KLHL28: variants seen among roughly 807,000 people sequenced by gnomAD.
The protein encoded by KLHL28 is kelch like family member 28, also known as kelch-like protein 28.
KLHL28 carries 22 observed loss-of-function variants against 48.3 expected under a neutral mutation model. The observed-to-expected ratio is 0.46, with a 90% CI of 0.33 to 0.65. The LOEUF (loss-of-function observed/expected upper bound fraction) is 0.65. Ranked by LOEUF, KLHL28 falls within the 30% of genes least tolerant of loss-of-function variation. KLHL28 has a pLI of 0.03. For missense variants in KLHL28, 527 were observed against 704.3 expected (o/e 0.75, Z 2.85); for synonymous variants, 243 against 242.4 (o/e 1.00, Z -0.02).
chr14:44,931,587 T>C (rs746331182), intron 3 of KLHL28, 46 bp from the exon 4 acceptor site: 4 of 1,475,502 alleles, frequency 2.7e-6, no homozygotes, highest in African/African-American at 2.8e-5. Context: ...TTTTGTGTCA[T>C]TCTTCCTGTC....
At position 44,934,194 on chromosome 14, in the gene KLHL28, T is replaced by C. The variant is rs974862447; in HGVS notation, c.1264A>G (p.Thr422Ala). 2.5e-6 allele frequency: 4 copies of C among 1,614,186 alleles called. No individual in the cohort carries two copies. Among genetic ancestry groups the C allele is most frequent in the Admixed American group, 3.3e-5 (2 of 60,022 alleles). The change falls in exon 3 of 5, where the codon ACA (threonine) becomes GCA (alanine). Residue 422 changes from threonine (T) to alanine (A), a missense_variant. Thr to Ala is a moderately conservative substitution (Grantham distance 58). Coordinates refer to ENST00000396128, the MANE Select transcript of KLHL28 (RefSeq NM_017658.5). ...KWQPVAPMTT[T>A]RSCFAAAVLD... is the part of the protein sequence containing the mutation. ...ACCGCTGCAGCAAAACAACTTCTTG[T>C]TGTCGTCATTGGTGCCACAGGTTGC... is the stretch of plus-strand genomic sequence containing the variant.
intron 1 of KLHL28, among the ~76,000 whole-genome samples, chr14:44,957,609 G>T (rs1255949933): frequency 2.0e-5 from 3 of 152,082 alleles, no homozygotes; most frequent in Admixed American, 6.5e-5. Context: ...ACCTTTGACT[G>T]TCATAATGTA....
At chr14:44,958,146 G>A (rs936520265) in intron 1 of KLHL28, among the ~76,000 whole-genome samples, 8 of 146,948 alleles carry the variant, frequency 5.4e-5, no homozygotes, top group Non-Finnish European at 9.0e-5. Flanking sequence ...AGTCAATATC[G>A]AATAAAAAGT....
intron 1 of KLHL28, among the ~76,000 whole-genome samples, chr14:44,958,761 G>A (rs912903054): frequency 2.0e-5 from 3 of 152,078 alleles, no homozygotes; most frequent in African/African-American, 4.8e-5. Flanking sequence ...CCTGTCCACT[G>A]AAAAACTGCA....
intron 2 of KLHL28, among the ~76,000 whole-genome samples, chr14:44,940,663 C>G (rs932999092): frequency 6.6e-6 from 1 of 152,178 alleles, no homozygotes; most frequent in Non-Finnish European, 1.5e-5. Flanking sequence ...ACCCCCCCGC[C>G]AGCCAGTAAA....
At chr14:44,961,513 C>CTTT in intron 1 of KLHL28, 1 of 152,024 alleles carries the variant, frequency 6.6e-6, no homozygotes, top group East Asian at 1.9e-4. Context: ...TAACCCTCTG[C>CTTT]GGCCGGAGGG....
chr14:44,935,864 G>GTGTATATA (rs1566564854), intron 2 of KLHL28, among the ~76,000 whole-genome samples: 17 of 47,832 alleles, frequency 3.6e-4, no homozygotes, highest in Non-Finnish European at 7.6e-4. Flanking sequence ...GTATGTATGT[G>GTGTATATA]TATGTGTATG....
intron 1 of KLHL28, among the ~76,000 whole-genome samples, chr14:44,958,862 A>G (rs1594588034): frequency 6.6e-6 from 1 of 152,132 alleles, no homozygotes; most frequent in Admixed American, 6.5e-5. Context: ...GACTGAAGAC[A>G]GAAATACATA....
intron 2 of KLHL28, among the ~76,000 whole-genome samples, chr14:44,936,289 T>C (rs1299594819): frequency 1.3e-5 from 2 of 152,000 alleles, no homozygotes; most frequent in East Asian, 3.9e-4. Context: ...TAAACCAAAA[T>C]GTGTTTGCAT....
chr14:44,942,458 A>G (rs1329400494), intron 2 of KLHL28, among the ~76,000 whole-genome samples: 1 of 152,100 alleles, frequency 6.6e-6, no homozygotes, highest in Non-Finnish European at 1.5e-5. Context: ...AATTTTTCCC[A>G]TAATACAGCC....
At chr14:44,930,968 T>A (rs1230460097) in intron 4 of KLHL28, among the ~76,000 whole-genome samples, 1 of 152,216 alleles carries the variant, frequency 6.6e-6, no homozygotes, top group African/African-American at 2.4e-5. Flanking sequence ...ATTACTGATA[T>A]ACAATAGAAA....
chr14:44,955,865 C>T (rs532725244), intron 1 of KLHL28, among the ~76,000 whole-genome samples: 5 of 152,096 alleles, frequency 3.3e-5, no homozygotes, highest in African/African-American at 1.2e-4. Context: ...TATTCAGGGG[C>T]CAAACTAAAT....
chr14:44,952,392 G>C, intron 1 of KLHL28, among the ~76,000 whole-genome samples: 1 of 152,208 alleles, frequency 6.6e-6, no homozygotes, highest in East Asian at 1.9e-4. Flanking sequence ...CAGTGGGGTT[G>C]CAGGAAATGG....
At chr14:44,946,869 A>G (rs1258700020) in intron 1 of KLHL28, among the ~76,000 whole-genome samples, 2 of 152,144 alleles carry the variant, frequency 1.3e-5, no homozygotes, top group African/African-American at 4.8e-5. Flanking sequence ...ACTCTTGATC[A>G]TTAATTCAGA....
intron 2 of KLHL28, among the ~76,000 whole-genome samples, chr14:44,937,080 C>G (rs1448012574): frequency 6.6e-6 from 1 of 152,074 alleles, no homozygotes; most frequent in African/African-American, 2.4e-5. Context: ...GAGCCCTTAA[C>G]CTGTAGGATA....
At position 44,928,954 on chromosome 14, in the gene KLHL28, CA is replaced by C; in HGVS notation, c.*73del. On this transcript the variant is annotated 3_prime_UTR_variant, in exon 5 of 5. Coordinates refer to ENST00000396128, the MANE Select transcript of KLHL28 (RefSeq NM_017658.5). The stretch of plus-strand genomic sequence containing the variant: ...AGAAAGCAATGCAGCTTGTGGGTTT[CA>C]GAAAACTGGGCCATCCGGATGTTCA... 3 of 1,395,830 alleles carry C rather than the reference CA, an allele frequency of 2.1e-6. No individual in the cohort carries two copies. Among genetic ancestry groups the C allele is most frequent in the Non-Finnish European group, 3.0e-6 (3 of 1,012,682 alleles). 86.5% of individuals were successfully genotyped at this position (1,395,830 alleles called of 1,614,324 possible).
In KLHL28 at chr14:44,945,292, G is replaced by A. The variant is rs754456839; in HGVS notation, c.637C>T (p.Arg213Cys). The A allele has an allele frequency of 1.9e-6, 3 of 1,614,094 alleles. No individual in the cohort carries two copies. The highest frequency in any genetic ancestry group is 1.7e-5 in the Admixed American group (1 of 60,016). The change falls in exon 2 of 5, where the codon CGC (arginine) becomes TGC (cysteine). Residue 213 changes from arginine (R) to cysteine (C), a missense_variant. Physicochemically the swap from Arg to Cys is radical, Grantham distance 180. Transcript: ENST00000396128. ...ESWIKYDVQE[R>C]QKYLAQLLNS... Reference sequence around the variant, plus strand: ...AGTAACTGTGCTAAGTATTTCTGGCGTTCTTGTACATCATACTTGATCCAA... The same window carrying A: ...AGTAACTGTGCTAAGTATTTCTGGCATTCTTGTACATCATACTTGATCCAA...
chr14:44,948,170 C>G (rs1197986912), intron 1 of KLHL28, among the ~76,000 whole-genome samples: 2 of 152,150 alleles, frequency 1.3e-5, no homozygotes, highest in African/African-American at 2.4e-5. Context: ...AAGCAGTCCT[C>G]GTTAACTTTA....
At chr14:44,935,188 C>T (rs2138593336) in intron 2 of KLHL28, among the ~76,000 whole-genome samples, 1 of 152,288 alleles carries the variant, frequency 6.6e-6, no homozygotes, top group Non-Finnish European at 1.5e-5. Flanking sequence ...GAATCTTACA[C>T]ACATAATGTT....
Sources: allele counts gnomAD v4.1 joint callset (sites outside exome capture counted in the v4.1 genomes callset), GRCh38; gene constraint gnomAD v4.1.1; transcripts MANE v1.5; gene names NCBI Gene and HGNC (gene_info 2026-07-23, HGNC 2026-07-21).